The following ATP9B variants were observed in gnomAD, a reference collection of about 807,000 sequenced individuals.
ATP9B encodes probable phospholipid-transporting ATPase IIB.
A neutral mutation model predicts 146.1 loss-of-function variants in ATP9B; 110 were observed. The ratio of observed to expected loss-of-function variants is 0.75; its 90% CI spans 0.65 to 0.88. The LOEUF (loss-of-function observed/expected upper bound fraction) is 0.88, where lower values mean the gene tolerates loss of function less well. ATP9B is among the 40% of genes least tolerant of loss of function. The pLI, the probability that ATP9B is intolerant of heterozygous loss-of-function variation, is 0.00. For missense variants in ATP9B, 1,499 were observed against 1,496.4 expected, an observed-to-expected ratio of 1.00 and a Z score of -0.03; for synonymous variants, 604 against 569.7, an observed-to-expected ratio of 1.06 and a Z score of -0.86.
intron 5 of ATP9B, among the ~76,000 whole-genome samples, chr18:79,143,371 A>G (rs2094537595): frequency 1.3e-5 from 2 of 152,332 alleles, no homozygotes; most frequent in African/African-American, 2.4e-5. Flanking sequence ...GTGATTTTAC[A>G]TATAATTTGC....
intron 2 of ATP9B, among the ~76,000 whole-genome samples, chr18:79,103,076 C>A (rs2075395445): frequency 6.6e-6 from 1 of 152,164 alleles, no homozygotes; most frequent in South Asian, 2.1e-4. Flanking sequence ...AGTGGTATTA[C>A]TTCTTCCGTT....
chr18:79,346,497 ACT>A (rs1224460292), intron 23 of ATP9B, among the ~76,000 whole-genome samples: 1 of 114,758 alleles, frequency 8.7e-6, no homozygotes, highest in Non-Finnish European at 1.8e-5. Context: ...CTTGGCACAC[ACT>A]CAGCGCACCT....
chr18:79,111,289 T>G (rs2075989769), intron 3 of ATP9B, among the ~76,000 whole-genome samples: 1 of 152,222 alleles, frequency 6.6e-6, no homozygotes, highest in African/African-American at 2.4e-5. Flanking sequence ...TGTCTTTTAT[T>G]TGCAAGAAAA....
intron 1 of ATP9B, among the ~76,000 whole-genome samples, chr18:79,092,491 AT>A (rs1429180069): frequency 3.3e-5 from 5 of 152,106 alleles, no homozygotes; most frequent in African/African-American, 1.2e-4. Flanking sequence ...TTACTTTGTA[AT>A]TTTTTTAATT....
intron 1 of ATP9B, among the ~76,000 whole-genome samples, chr18:79,080,566 A>G (rs2073140726): frequency 6.6e-6 from 1 of 152,136 alleles, no homozygotes; most frequent in East Asian, 1.9e-4. Flanking sequence ...TCATCCACAA[A>G]CAGAGACAAT....
chr18:79,350,437 C>T (rs114184809), intron 25 of ATP9B, among the ~76,000 whole-genome samples: 264 of 152,352 alleles, frequency 1.7e-3, no homozygotes, highest in African/African-American at 6.1e-3. Flanking sequence ...GCGCCGTCAT[C>T]GGCCCTGGGC....
At chr18:79,328,072 G>A (rs920283087) in intron 15 of ATP9B, among the ~76,000 whole-genome samples, 10 of 144,698 alleles carry the variant, frequency 6.9e-5, no homozygotes, top group African/African-American at 2.4e-4. Context: ...CGTGCTCTCC[G>A]TGGTTAGCGT....
intron 23 of ATP9B, 120 bp from the exon 24 acceptor site, chr18:79,347,650 A>G: frequency 8.1e-7 from 1 of 1,227,664 alleles, no homozygotes; most frequent in South Asian, 1.9e-5. Context: ...GAAGCTTTAC[A>G]AGTTCTGCAG....
intron 12 of ATP9B, among the ~76,000 whole-genome samples, chr18:79,271,632 C>G (rs1202631692): frequency 1.3e-5 from 2 of 152,278 alleles, no homozygotes; most frequent in Admixed American, 1.3e-4. Flanking sequence ...TTAATCCAGT[C>G]TATCACTGAT....
At chr18:79,349,027 A>G (rs1229204804) in intron 25 of ATP9B, among the ~76,000 whole-genome samples, 1 of 152,232 alleles carries the variant, frequency 6.6e-6, no homozygotes, top group African/African-American at 2.4e-5. Flanking sequence ...AAAGGACACC[A>G]AAAGCACAGC....
chr18:79,296,845 T>TG (rs1231382119), intron 13 of ATP9B, among the ~76,000 whole-genome samples: 4 of 152,066 alleles, frequency 2.6e-5, no homozygotes, highest in African/African-American at 9.7e-5. Context: ...GTAGGGGAGA[T>TG]GCACGCTCAG....
intron 26 of ATP9B, among the ~76,000 whole-genome samples, chr18:79,365,532 T>C (rs554419484): frequency 6.6e-6 from 1 of 152,258 alleles, no homozygotes; most frequent in Admixed American, 6.5e-5. Context: ...AAAACTTAGA[T>C]TCATACTAAA....
At chr18:79,341,434 GGA>G (rs1464889868) in intron 19 of ATP9B, among the ~76,000 whole-genome samples, 2,970 of 65,654 alleles carry the variant, frequency 0.045, 744 homozygotes, top group Admixed American at 0.056. Context: ...AGTTGTGGTT[GGA>G]TGTGTGTAGC....
intron 2 of ATP9B, among the ~76,000 whole-genome samples, chr18:79,101,962 T>C (rs1312765016): frequency 1.3e-5 from 2 of 152,226 alleles, no homozygotes; most frequent in African/African-American, 4.8e-5. Context: ...TTTCTTTTTT[T>C]TGAGACGGAG....
intron 7 of ATP9B, among the ~76,000 whole-genome samples, chr18:79,158,830 TC>T (rs1281621235): frequency 1.3e-5 from 2 of 152,206 alleles, no homozygotes; most frequent in African/African-American, 2.4e-5. Context: ...AGTGGAATGT[TC>T]CATAGATTTT....
chr18:79,103,593 CTG>C lies in ATP9B; in HGVS notation c.294-6759_294-6758del, dbSNP rs569914434. Among the ~76,000 whole-genome samples, 7 of 152,198 alleles carry C rather than the reference CTG, an allele frequency of 4.6e-5. No homozygotes were observed. The South Asian group carries it at 1.4e-3, about 32-fold the overall frequency. ...AGGAAGAATGAAATAGTGGTGGTGA[CTG>C]TGACTTCTATTCTCAATTGGGAACA... On this transcript the variant is annotated intron_variant, in intron 2 of 29. Transcript: ENST00000426216.
intron 7 of ATP9B, among the ~76,000 whole-genome samples, chr18:79,158,406 C>T (rs944634250): frequency 1.3e-5 from 2 of 152,094 alleles, no homozygotes; most frequent in Admixed American, 6.6e-5. Flanking sequence ...TTGCCTCAGC[C>T]TCCCAGGTAG....
chr18:79,377,565 C>T lies in ATP9B; in HGVS notation c.*182C>T, dbSNP rs1034332100. ...CAGCCTCTCCTTCTCAGTGCAGGGA[C>T]GTCACCCCTGCCAGGCAAGCCCAGG... On this transcript the variant is annotated 3_prime_UTR_variant, in exon 30 of 30. Coordinates refer to ENST00000426216, the MANE Select transcript of ATP9B (RefSeq NM_198531.5). The T allele has an allele frequency of 3.6e-5, 28 of 785,370 alleles. No individual in the cohort carries two copies. The highest frequency in any genetic ancestry group is 8.2e-5 in the East Asian group (3 of 36,724). The allele number at this position is 785,370 out of a possible 1,614,324, so 48.7% of individuals were successfully genotyped here.
intron 9 of ATP9B, among the ~76,000 whole-genome samples, chr18:79,196,399 G>A (rs1418525417): frequency 6.6e-6 from 1 of 152,204 alleles, no homozygotes; most frequent in Non-Finnish European, 1.5e-5. Flanking sequence ...GGGAGGATGG[G>A]TGGAAGATGG....
Sources: allele counts gnomAD v4.1 joint callset (sites outside exome capture counted in the v4.1 genomes callset), GRCh38; gene constraint gnomAD v4.1.1; transcripts MANE v1.5; gene names NCBI Gene and HGNC (gene_info 2026-07-23, HGNC 2026-07-21).